Variants in FAM117A observed in about 807,000 individuals in gnomAD.
FAM117A encodes the protein family with sequence similarity 117 member A.
FAM117A carries 21 observed loss-of-function variants against 44.1 expected under a neutral mutation model. The observed-to-expected ratio is 0.48, with a 90% CI of 0.34 to 0.69. The LOEUF is 0.69. Ranked by LOEUF, FAM117A falls within the 30% of genes least tolerant of loss-of-function variation. The probability of loss-of-function intolerance (pLI) is 0.01; values close to 1 mark genes in which losing one functional copy is unlikely to be tolerated. For missense variants in FAM117A, 498 were observed against 589.9 expected (o/e 0.84, Z 1.61); for synonymous variants, 220 against 238.3 (o/e 0.92, Z 0.71).
chr17:49,772,733 T>C (rs1311246121), intron 1 of FAM117A, among the ~76,000 whole-genome samples: 1 of 150,402 alleles, frequency 6.6e-6, no homozygotes, highest in Non-Finnish European at 1.5e-5. Context: ...GCCTGGACAA[T>C]ACAGTGAGAC....
At chr17:49,766,092 C>T (rs141165210), upstream of FAM117A, among the ~76,000 whole-genome samples, 1,503 of 152,264 alleles carry the variant, frequency 9.9e-3, 5 homozygotes, top group Non-Finnish European at 0.014. Flanking sequence ...CATACTTTAT[C>T]TTATTTATTG....
chr17:49,758,556 G>A (rs547748323), intron 1 of FAM117A, among the ~76,000 whole-genome samples: 13 of 151,292 alleles, frequency 8.6e-5, no homozygotes, highest in African/African-American at 2.4e-4. Flanking sequence ...CCTGGGAGGC[G>A]GAGGTTGCAG....
At chr17:49,781,340 T>A (rs1035593570) in intron 1 of FAM117A, among the ~76,000 whole-genome samples, 3 of 152,230 alleles carry the variant, frequency 2.0e-5, no homozygotes, top group African/African-American at 7.2e-5. Context: ...CATTTTCATT[T>A]TTATTAAAAT....
At chr17:49,742,370 T>C (rs2073638303) in intron 1 of FAM117A, among the ~76,000 whole-genome samples, 1 of 152,210 alleles carries the variant, frequency 6.6e-6, no homozygotes. Flanking sequence ...CATTGGCTCT[T>C]TGTAACAGTA....
At chr17:49,717,441 G>C in intron 6 of FAM117A, 72 bp downstream of exon 6, 2 of 1,350,884 alleles carry the variant, frequency 1.5e-6, no homozygotes, top group Middle Eastern at 2.4e-4. Flanking sequence ...GAATTGACTA[G>C]AGGTGGAAAA....
At position 49,781,891 on chromosome 17, in the gene FAM117A, G is replaced by A. The variant is rs143019577; in HGVS notation, c.-621+6606C>T. 4.7e-3 allele frequency among the ~76,000 whole-genome samples: 715 copies of A among 152,216 alleles called. 7 individuals carry two copies. The highest frequency in any genetic ancestry group is 0.013 in the Admixed American group (201 of 15,278). ...ACTTGGAAGGCTGAGCAGGAGGATCGCTTGAAACCAGGAGGTTAAGTTTGC... is the reference window on the plus strand; with the variant it reads ...ACTTGGAAGGCTGAGCAGGAGGATCACTTGAAACCAGGAGGTTAAGTTTGC... On this transcript the variant is annotated intron_variant, in intron 1 of 7. Transcript: ENST00000513602.
intron 1 of FAM117A, among the ~76,000 whole-genome samples, chr17:49,747,573 C>A (rs1340180682): frequency 1.3e-5 from 2 of 152,192 alleles, no homozygotes; most frequent in African/African-American, 2.4e-5. Context: ...TTCTCTACCC[C>A]CCGCATCCTT....
At chr17:49,738,789 T>G (rs1022615559) in intron 1 of FAM117A, among the ~76,000 whole-genome samples, 1 of 152,104 alleles carries the variant, frequency 6.6e-6, no homozygotes, top group African/African-American at 2.4e-5. Context: ...GCCTAGGAAA[T>G]AAGGGAGGGG....
rs756312621 is a variant in FAM117A, at chr17:49,720,401, C to T, written c.498G>A (p.Lys166=). ...CCTTCTCTTTCCCACTGCGGCTCAGCTTCGTCCTCTGCAGTTGTTGCTTCA... is the reference window on the plus strand; with the variant it reads ...CCTTCTCTTTCCCACTGCGGCTCAGTTTCGTCCTCTGCAGTTGTTGCTTCA... ...SKLKQQLQRT[K]LSRSGKEKER... Residue 166 remains lysine, a synonymous_variant, in exon 4 of 8, where the codon AAG becomes AAA. Coordinates refer to ENST00000240364, the MANE Select transcript of FAM117A (RefSeq NM_030802.4). The T allele has an allele frequency of 3.1e-6, 5 of 1,613,732 alleles. No individual in the cohort carries two copies. In the South Asian group the frequency reaches 4.4e-5, roughly 14 times the overall value.
chr17:49,727,885 G>A (rs1305828503), intron 2 of FAM117A, among the ~76,000 whole-genome samples: 3 of 152,224 alleles, frequency 2.0e-5, no homozygotes, highest in South Asian at 2.1e-4. Flanking sequence ...ATCCCTGCAC[G>A]GGACTGTCAA....
In FAM117A at chr17:49,717,551, C is replaced by T. The variant is rs778474201; in HGVS notation, c.872G>A (p.Gly291Asp). Residue 291 changes from glycine to aspartate, a missense_variant, in exon 6 of 8, where the codon GGT becomes GAT. Physicochemically the swap from Gly to Asp is moderately conservative, Grantham distance 94 (BLOSUM62 -1). Around this residue, in one of 3 missense-constraint regions of FAM117A, gnomAD observed 224 missense variants for 296.5 expected, o/e 0.76. Coordinates refer to ENST00000240364, the MANE Select transcript of FAM117A (RefSeq NM_030802.4). ...GGTGGATGCCAGCTCCTCGGCGGCA[C>T]CCCGATGTTCCTCATGACTGGCCAG... ...CGLASHEEHR[G>D]AAEELASTPN... The T allele has an allele frequency of 6.2e-7, 1 of 1,614,086 alleles. No homozygotes were observed.
chr17:49,764,096 C>T lies in FAM117A; in HGVS notation c.-9G>A. 1 of 1,262,920 alleles carries T rather than the reference C, an allele frequency of 7.9e-7. No homozygotes were observed. Among genetic ancestry groups the T allele is most frequent in the Non-Finnish European group, 1.0e-6 (1 of 998,014 alleles). 78.2% of individuals were successfully genotyped at this position (1,262,920 alleles called of 1,614,324 possible). A position where few individuals can be genotyped will look rare whatever the true frequency, so the allele number is the denominator to read the frequency against. On this transcript the variant is annotated 5_prime_UTR_variant, in exon 1 of 8. Transcript: ENST00000240364. ...GCTGCGGCCCCCGCCATGGCTCTCC[C>T]GGCTGCCTGCCTCAGCCCCACTGCG...
chr17:49,713,113 C>T, intron 7 of FAM117A, among the ~76,000 whole-genome samples: 1 of 152,136 alleles, frequency 6.6e-6, no homozygotes, highest in East Asian at 1.9e-4. Flanking sequence ...GTCTTGAACT[C>T]CTGGGCTCAA....
At chr17:49,716,028 T>C in intron 7 of FAM117A, 137 bp downstream of exon 7, 1 of 927,210 alleles carries the variant, frequency 1.1e-6, no homozygotes, top group Non-Finnish European at 1.6e-6. Context: ...TCAACACGTT[T>C]GATCATGGAA....
intron 1 of FAM117A, among the ~76,000 whole-genome samples, chr17:49,772,224 C>A (rs544833239): frequency 6.6e-6 from 1 of 151,126 alleles, no homozygotes; most frequent in East Asian, 2.0e-4. Flanking sequence ...CCCAGGAGAT[C>A]AAGGCTGCAG....
intron 1 of FAM117A, among the ~76,000 whole-genome samples, chr17:49,758,000 G>C (rs555183617): frequency 7.2e-5 from 11 of 152,164 alleles, no homozygotes; most frequent in Non-Finnish European, 1.6e-4. Context: ...TCTGAACTGG[G>C]AGCGACACCC....
Position 49,719,862 on chromosome 17 carries a change from A to T in FAM117A, c.606T>A (p.Pro202=). The change falls in exon 5 of 8, where the codon CCT becomes CCA. Residue 202 remains proline (P), a synonymous_variant. Transcript: ENST00000240364. ...GCAGGCAGGGGCTGAGTCGCAAGAC[A>T]GGGGACCCTGAGGGGAAGCTGGGAG... ...ASPPSFPSGS[P]VLRLSPCLHR... 6.2e-7 allele frequency: 1 copy of T among 1,606,964 alleles called. No homozygotes were observed. Among genetic ancestry groups the T allele is most frequent in the Non-Finnish European group, 8.5e-7 (1 of 1,177,812 alleles).
upstream of FAM117A, among the ~76,000 whole-genome samples, chr17:49,764,548 G>T (rs1842879297): frequency 1.3e-5 from 2 of 152,140 alleles, no homozygotes; most frequent in African/African-American, 2.4e-5. Flanking sequence ...TTTTGGGGGC[G>T]GGAGTAGGGA....
intron 1 of FAM117A, among the ~76,000 whole-genome samples, chr17:49,787,733 G>T (rs1186710361): frequency 6.6e-6 from 1 of 152,194 alleles, no homozygotes; most frequent in Non-Finnish European, 1.5e-5. Flanking sequence ...CTTTTCTTAA[G>T]GCTCTTCTTT....
Sources: gnomAD v4.1 joint callset for allele counts (sites outside exome capture counted in the v4.1 genomes callset) on GRCh38, gnomAD v4.1.1 for gene constraint, gnomAD v4.1.1 regional missense constraint, MANE v1.5 for transcripts, NCBI Gene and HGNC (gene_info 2026-07-23, HGNC 2026-07-21) for gene names.